ATP2B2: variants seen among roughly 807,000 people sequenced by gnomAD.
ATP2B2 encodes the protein ATPase plasma membrane Ca2+ transporting 2.
ATP2B2 carries 15 observed loss-of-function variants against 120.0 expected under a neutral mutation model. The observed-to-expected ratio is 0.12, with a 90% CI of 0.08 to 0.19. ATP2B2 has a LOEUF of 0.19. Ranked by LOEUF, ATP2B2 falls within the 10% of genes least tolerant of loss-of-function variation. ATP2B2 has a pLI of 1.00. For synonymous variants in ATP2B2, 694 were observed against 700.3 expected (o/e 0.99, Z 0.14); for missense variants, 1,045 against 1,719.8 (o/e 0.61, Z 6.94).
chr3:10,385,240 G>T, intron 8 of ATP2B2, 28 bp downstream of exon 8: 2 of 1,612,876 alleles, frequency 1.2e-6, no homozygotes, highest in South Asian at 2.2e-5. Flanking sequence ...ATCCAACCAT[G>T]ACCAGGAGCT....
At chr3:10,491,217 T>C (rs1322462402) in intron 1 of ATP2B2, among the ~76,000 whole-genome samples, 1 of 148,716 alleles carries the variant, frequency 6.7e-6, no homozygotes. Context: ...GCTGGCTCCT[T>C]CATTCCATTT....
At position 10,496,593 on chromosome 3, in the gene ATP2B2, G is replaced by A. The variant is rs1349382946; in HGVS notation, c.-320+8872C>T. Among the ~76,000 whole-genome samples, 7 of 151,910 alleles carry A rather than the reference G, an allele frequency of 4.6e-5. No individual in the cohort carries two copies. In the South Asian group the frequency reaches 6.2e-4, roughly 14 times the overall value. ...TCCTTTCAGCCCCTTTCTCCTGAGC[G>A]CTGTCTCATGCTTGCTCCTAGTGAG... On this transcript the variant is annotated intron_variant, in intron 1 of 22. Transcript: ENST00000360273.
intron 1 of ATP2B2, among the ~76,000 whole-genome samples, chr3:10,704,459 G>C (rs62237053): frequency 6.6e-6 from 1 of 152,066 alleles, no homozygotes; most frequent in African/African-American, 2.4e-5. Flanking sequence ...AAATAAAAAC[G>C]TGTAGCCCCC....
intron 1 of ATP2B2, among the ~76,000 whole-genome samples, chr3:10,472,287 C>T (rs1398348283): frequency 6.6e-6 from 1 of 152,088 alleles, no homozygotes; most frequent in Non-Finnish European, 1.5e-5. Context: ...GGTCTTTGGT[C>T]AAGGCACTGG....
At chr3:10,416,456 G>C (rs1046995386) in intron 2 of ATP2B2, among the ~76,000 whole-genome samples, 1 of 152,102 alleles carries the variant, frequency 6.6e-6, no homozygotes, top group Non-Finnish European at 1.5e-5. Flanking sequence ...TGGTCTGCCC[G>C]GTGTTTTTAA....
chr3:10,471,364 C>CTGAGTGTGTGTGTGTGTGTGTGTG (rs1221371075), intron 1 of ATP2B2, among the ~76,000 whole-genome samples: 3 of 150,358 alleles, frequency 2.0e-5, no homozygotes, highest in African/African-American at 7.3e-5. Context: ...TTCAGGAAAC[C>CTGAGTGTGTGTGTGTGTGTGTGTG]TGTGTGTGTG....
intron 2 of ATP2B2, among the ~76,000 whole-genome samples, chr3:10,608,897 C>A (rs541977678): frequency 6.6e-6 from 1 of 152,310 alleles, no homozygotes; most frequent in African/African-American, 2.4e-5. Flanking sequence ...CTGGCGTGCA[C>A]AAGGCCCTCA....
chr3:10,685,688 C>T (rs925567635), intron 1 of ATP2B2, among the ~76,000 whole-genome samples: 9 of 152,218 alleles, frequency 5.9e-5, no homozygotes, highest in Non-Finnish European at 1.3e-4. Context: ...TGCCCCAAAG[C>T]ACCCTATGGT....
intron 2 of ATP2B2, among the ~76,000 whole-genome samples, chr3:10,429,352 G>A (rs2063240208): frequency 6.6e-6 from 1 of 152,212 alleles, no homozygotes. Flanking sequence ...CATTGAGCAA[G>A]TCTATAGGTG....
intron 1 of ATP2B2, among the ~76,000 whole-genome samples, chr3:10,661,915 G>A (rs1334774108): frequency 2.6e-5 from 4 of 152,090 alleles, no homozygotes; most frequent in African/African-American, 7.2e-5. Flanking sequence ...TAGACCAATG[G>A]AACAGAATAG....
chr3:10,596,991 GTGCACA>G (rs1344041495), intron 2 of ATP2B2, among the ~76,000 whole-genome samples: 3 of 139,884 alleles, frequency 2.1e-5, no homozygotes, highest in African/African-American at 8.1e-5. Flanking sequence ...GCACACGCAG[GTGCACA>G]CGCACACAGG....
At chr3:10,495,300 T>G in intron 1 of ATP2B2, among the ~76,000 whole-genome samples, 1 of 152,208 alleles carries the variant, frequency 6.6e-6, no homozygotes, top group East Asian at 1.9e-4. Context: ...CTTTGGACTC[T>G]ACTCTGCAAC....
At chr3:10,498,504 C>T (rs550535895) in intron 1 of ATP2B2, among the ~76,000 whole-genome samples, 3 of 152,372 alleles carry the variant, frequency 2.0e-5, no homozygotes, top group African/African-American at 7.2e-5. Flanking sequence ...CATTCCCCGC[C>T]CACTGCCTCC....
chr3:10,615,507 A>T (rs1465432990), intron 2 of ATP2B2, among the ~76,000 whole-genome samples: 1 of 152,196 alleles, frequency 6.6e-6, no homozygotes, highest in Non-Finnish European at 1.5e-5. Flanking sequence ...CCTTACACTG[A>T]GCTCCAACAG....
At chr3:10,373,084 A>G (rs1379530923) in intron 11 of ATP2B2, among the ~76,000 whole-genome samples, 1 of 152,266 alleles carries the variant, frequency 6.6e-6, no homozygotes, top group African/African-American at 2.4e-5. Context: ...AGTTTCTCCT[A>G]CTATAACTTG....
chr3:10,392,889 C>A (rs1202970286), intron 5 of ATP2B2, among the ~76,000 whole-genome samples: 1 of 152,230 alleles, frequency 6.6e-6, no homozygotes, highest in Non-Finnish European at 1.5e-5. Context: ...TAAGGGAGAC[C>A]AGCCTAGGGC....
At chr3:10,400,890 G>A in intron 5 of ATP2B2, 63 bp downstream of exon 5, 1 of 1,609,592 alleles carries the variant, frequency 6.2e-7, no homozygotes, top group Non-Finnish European at 8.5e-7. Context: ...CTCATGAAGG[G>A]GACACACAGG....
intron 1 of ATP2B2, among the ~76,000 whole-genome samples, chr3:10,636,149 T>G (rs755061268): frequency 1.2e-4 from 19 of 152,240 alleles, no homozygotes; most frequent in Non-Finnish European, 2.1e-4. Flanking sequence ...GGCCAGTCTC[T>G]TCCTGCAGCC....
intron 1 of ATP2B2, among the ~76,000 whole-genome samples, chr3:10,704,371 TCTAC>T (rs1002576206): frequency 1.3e-5 from 2 of 152,358 alleles, no homozygotes; most frequent in African/African-American, 4.8e-5. Context: ...TTCTCTTCTT[TCTAC>T]CTTTTTCTTC....
Sources: allele counts gnomAD v4.1 joint callset (sites outside exome capture counted in the v4.1 genomes callset), GRCh38; gene constraint gnomAD v4.1.1; transcripts MANE v1.5; gene names NCBI Gene and HGNC (gene_info 2026-07-23, HGNC 2026-07-21).